OXR1: variants seen among roughly 807,000 people sequenced by gnomAD.
OXR1 encodes oxidation resistance 1.
A neutral mutation model predicts 104.6 loss-of-function variants in OXR1; 41 were observed. The observed-to-expected ratio is 0.39, with a 90% CI of 0.31 to 0.51. The LOEUF is 0.51. OXR1 is among the 20% of genes least tolerant of loss of function. The pLI is 0.77. For synonymous variants in OXR1, 348 were observed against 348.4 expected, an observed-to-expected ratio of 1.00 and a Z score of 0.01; for missense variants, 955 against 1,031.9, an observed-to-expected ratio of 0.93 and a Z score of 1.02.
intron 3 of OXR1, among the ~76,000 whole-genome samples, chr8:106,651,802 CAG>C (rs572716963): frequency 1.0e-3 from 158 of 152,146 alleles, no homozygotes; most frequent in African/African-American, 3.4e-3. Context: ...GTAAATAAAA[CAG>C]GGGAATTTTG....
At chr8:106,289,119 A>G (rs977104058) in intron 1 of OXR1, among the ~76,000 whole-genome samples, 6 of 152,162 alleles carry the variant, frequency 3.9e-5, no homozygotes, top group Non-Finnish European at 8.8e-5. Flanking sequence ...GAAATAAGAC[A>G]AGGATGCCCA....
At chr8:106,518,661 C>T (rs73309300) in intron 2 of OXR1, among the ~76,000 whole-genome samples, 3,050 of 152,128 alleles carry the variant, frequency 0.02, 96 homozygotes, top group African/African-American at 0.07. Flanking sequence ...TTATCTTTGA[C>T]ACTATATTTT....
intron 3 of OXR1, among the ~76,000 whole-genome samples, chr8:106,526,697 C>T (rs561585400): frequency 1.9e-4 from 29 of 152,330 alleles, no homozygotes; most frequent in East Asian, 3.9e-4. Context: ...CGTCCGCCAC[C>T]ACGCCCGGCT....
In OXR1 at chr8:106,419,769, A is replaced by C. The variant is rs187634411; in HGVS notation, c.23+60133A>C. On this transcript the variant is annotated intron_variant, in intron 2 of 16. Coordinates refer to ENST00000517566, the MANE Select transcript of OXR1 (RefSeq NM_001198533.2). ...TTTTCTTTGCCAGTCCCTCTGCAGT[A>C]GTATTAGCTGACAGTTTTATTTTAT... 3.4e-4 allele frequency among the ~76,000 whole-genome samples: 52 copies of C among 152,280 alleles called. No homozygotes were observed. In the East Asian group the frequency reaches 0.01, roughly 29 times the overall value.
chr8:106,379,070 T>G (rs1817024064), intron 2 of OXR1, among the ~76,000 whole-genome samples: 1 of 152,158 alleles, frequency 6.6e-6, no homozygotes, highest in Non-Finnish European at 1.5e-5. Context: ...CTAAGTTGAT[T>G]AGTATAGCAT....
chr8:106,355,395 A>G (rs958639675), intron 1 of OXR1, among the ~76,000 whole-genome samples: 2 of 152,156 alleles, frequency 1.3e-5, no homozygotes, highest in African/African-American at 2.4e-5. Flanking sequence ...TAAGCAATCA[A>G]TCATTTACAT....
intron 3 of OXR1, among the ~76,000 whole-genome samples, chr8:106,559,273 G>A (rs566579359): frequency 6.6e-6 from 1 of 152,246 alleles, no homozygotes; most frequent in African/African-American, 2.4e-5. Flanking sequence ...CATCAGAATG[G>A]CATGTACTGT....
Position 106,399,421 on chromosome 8 carries a change from C to G in OXR1, c.23+39785C>G, listed in dbSNP as rs183609521. 6.6e-5 allele frequency among the ~76,000 whole-genome samples: 10 copies of G among 152,168 alleles called. No homozygotes were observed. The East Asian group carries it at 1.9e-3, about 29-fold the overall frequency. On this transcript the variant is annotated intron_variant, in intron 2 of 16. Coordinates refer to ENST00000517566, the MANE Select transcript of OXR1 (RefSeq NM_001198533.2). ...TCAAAATAGAAATGAGTTCTTATAG[C>G]TTGTTTTGGATTTTATAGTCTGATG...
At chr8:106,624,862 C>A (rs1431210997) in intron 3 of OXR1, among the ~76,000 whole-genome samples, 1 of 152,094 alleles carries the variant, frequency 6.6e-6, no homozygotes, top group Non-Finnish European at 1.5e-5. Flanking sequence ...GCAATCATGG[C>A]TCACTGCAGC....
intron 2 of OXR1, among the ~76,000 whole-genome samples, chr8:106,437,185 T>G (rs1377047844): frequency 5.9e-5 from 9 of 152,126 alleles, no homozygotes; most frequent in Admixed American, 1.3e-4. Flanking sequence ...GTTAAAAAAA[T>G]TATTAAGGAA....
At chr8:106,432,776 G>A (rs1426573591) in intron 2 of OXR1, among the ~76,000 whole-genome samples, 1 of 152,046 alleles carries the variant, frequency 6.6e-6, no homozygotes, top group Non-Finnish European at 1.5e-5. Flanking sequence ...TAAGGTCAGG[G>A]ACCTTCTATT....
chr8:106,407,532 A>C (rs759933642), intron 2 of OXR1, among the ~76,000 whole-genome samples: 1 of 152,212 alleles, frequency 6.6e-6, no homozygotes, highest in Non-Finnish European at 1.5e-5. Flanking sequence ...GTCATCTACT[A>C]ATTGAATACC....
At chr8:106,396,663 T>G (rs550848093) in intron 2 of OXR1, among the ~76,000 whole-genome samples, 2 of 152,032 alleles carry the variant, frequency 1.3e-5, no homozygotes, top group Non-Finnish European at 2.9e-5. Context: ...GTGAATAATG[T>G]CTGTAGTTTT....
chr8:106,635,141 A>G (rs985975245), intron 3 of OXR1, among the ~76,000 whole-genome samples: 1 of 152,238 alleles, frequency 6.6e-6, no homozygotes, highest in African/African-American at 2.4e-5. Context: ...CGATTCTACC[A>G]AAGAATGACT....
chr8:106,673,750 CAG>C (rs1246523881), intron 3 of OXR1, among the ~76,000 whole-genome samples: 2 of 152,132 alleles, frequency 1.3e-5, no homozygotes, highest in Non-Finnish European at 2.9e-5. Context: ...TTTCAGGACA[CAG>C]TGCCCTGAAT....
At chr8:106,483,506 G>A (rs536557817) in intron 2 of OXR1, among the ~76,000 whole-genome samples, 1 of 152,078 alleles carries the variant, frequency 6.6e-6, no homozygotes, top group South Asian at 2.1e-4. Flanking sequence ...AGGCAAGCCT[G>A]AGTGAGACCT....
intron 3 of OXR1, among the ~76,000 whole-genome samples, chr8:106,671,023 T>TGGGC (rs1563688020): frequency 1.5e-4 from 19 of 129,176 alleles, no homozygotes; most frequent in Non-Finnish European, 2.8e-4. Flanking sequence ...CCAGCCTGGG[T>TGGGC]GACAGAGTGA....
At chr8:106,486,647 A>G (rs1810677047) in intron 2 of OXR1, among the ~76,000 whole-genome samples, 1 of 152,106 alleles carries the variant, frequency 6.6e-6, no homozygotes, top group African/African-American at 2.4e-5. Flanking sequence ...GAAACTGTGG[A>G]AAATAGACCT....
chr8:106,446,976 G>C (rs865982347), intron 2 of OXR1, among the ~76,000 whole-genome samples: 7 of 152,108 alleles, frequency 4.6e-5, no homozygotes, highest in Non-Finnish European at 1.0e-4. Flanking sequence ...GAATTTTTGT[G>C]ATGACCTCTG....
Sources: gnomAD v4.1 joint callset for allele counts (sites outside exome capture counted in the v4.1 genomes callset) on GRCh38, gnomAD v4.1.1 for gene constraint, MANE v1.5 for transcripts, NCBI Gene and HGNC (gene_info 2026-07-23, HGNC 2026-07-21) for gene names.